GALNT9: variants seen among roughly 807,000 people sequenced by gnomAD.
GALNT9 encodes the protein GalNAc transferase 9.
Under a neutral mutation model 63.1 loss-of-function variants are expected in GALNT9, and 47 were observed. The observed-to-expected ratio is 0.75, with a 90% CI of 0.59 to 0.95. GALNT9 has a LOEUF of 0.95. GALNT9 is among the 40% of genes least tolerant of loss of function. The pLI is 0.00. For synonymous variants in GALNT9, 396 were observed against 365.7 expected (o/e 1.08, Z -0.94); for missense variants, 829 against 874.8 (o/e 0.95, Z 0.66).
At chr12:132,198,336 G>C (rs539175631) in intron 9 of GALNT9, among the ~76,000 whole-genome samples, 1 of 152,200 alleles carries the variant, frequency 6.6e-6, no homozygotes, top group Admixed American at 6.5e-5. Context: ...ACGCATTCCC[G>C]TGGGGTTAGA....
chr12:132,219,204 G>A (rs923100866), intron 6 of GALNT9, among the ~76,000 whole-genome samples: 1 of 152,174 alleles, frequency 6.6e-6, no homozygotes, highest in African/African-American at 2.4e-5. Flanking sequence ...AAACAGATGA[G>A]GATACAGTTT....
chr12:132,246,720 GCAGGGTTTTAC>G lies in GALNT9; in HGVS notation c.1077+1179_1077+1189del, dbSNP rs1293143107. On this transcript the variant is annotated intron_variant, in intron 6 of 10. Coordinates refer to ENST00000328957, the MANE Select transcript of GALNT9 (RefSeq NM_001122636.2). This position sits in a 1 kb window ranked among gnomAD's most constrained non-coding sequence, Gnocchi z 4.7. ...GTTAATTTTTGTATTTTTAGTAGAG[GCAGGGTTTTAC>G]CATACTGGTCAGGCTGGTCTCGAAC... is the stretch of plus-strand genomic sequence containing the variant. Among the ~76,000 whole-genome samples, 1 of 152,028 alleles carries G rather than the reference GCAGGGTTTTAC, an allele frequency of 6.6e-6. No individual in the cohort carries two copies. Among genetic ancestry groups the G allele is most frequent in the East Asian group, 1.9e-4 (1 of 5,178 alleles).
chr12:132,320,532 C>T (rs781807030), intron 1 of GALNT9, among the ~76,000 whole-genome samples: 6 of 152,246 alleles, frequency 3.9e-5, no homozygotes, highest in Non-Finnish European at 7.3e-5. Flanking sequence ...CAATAGAAAA[C>T]ATGTATCGTT....
At chr12:132,212,270 C>T (rs113017573) in intron 6 of GALNT9, among the ~76,000 whole-genome samples, 12 of 43,980 alleles carry the variant, frequency 2.7e-4, no homozygotes, top group South Asian at 1.2e-3. Flanking sequence ...GTCTGCAGCC[C>T]TCAGACCTCG....
At chr12:132,228,813 T>A (rs1259710525) in intron 6 of GALNT9, among the ~76,000 whole-genome samples, 1 of 152,236 alleles carries the variant, frequency 6.6e-6, no homozygotes, top group African/African-American at 2.4e-5. Context: ...GATTCCGTCC[T>A]GACCTTTATT....
intron 1 of GALNT9, among the ~76,000 whole-genome samples, chr12:132,305,415 G>A (rs28646883): frequency 0.23 from 8,624 of 36,894 alleles, 2,698 homozygotes; most frequent in East Asian, 0.91. Context: ...ACCCTCACCC[G>A]GGCACACCCT....
chr12:132,262,697 C>G, intron 2 of GALNT9, 72 bp from the exon 3 acceptor site: 3 of 1,435,594 alleles, frequency 2.1e-6, no homozygotes, highest in Non-Finnish European at 2.8e-6. Flanking sequence ...GCTCATCTGT[C>G]TGCACCTGCA....
chr12:132,258,945 C>T (rs1446971626), intron 4 of GALNT9, among the ~76,000 whole-genome samples: 3 of 152,172 alleles, frequency 2.0e-5, no homozygotes, highest in South Asian at 2.1e-4. Flanking sequence ...AGGGCAGATT[C>T]GGGTCGGCTC....
chr12:132,239,853 C>T (rs1444249609), intron 6 of GALNT9, among the ~76,000 whole-genome samples: 1 of 151,826 alleles, frequency 6.6e-6, no homozygotes, highest in Non-Finnish European at 1.5e-5. Context: ...GAGACAGACA[C>T]AAGGAGATAG....
chr12:132,247,025 G>C (rs1555238040), intron 6 of GALNT9, among the ~76,000 whole-genome samples: 1 of 152,244 alleles, frequency 6.6e-6, no homozygotes, highest in Non-Finnish European at 1.5e-5. Flanking sequence ...ACTCTTTTCT[G>C]TGAATAGAAG....
rs143798092 is a variant in GALNT9 at position 132,325,069 on chromosome 12, T to C, written c.238+3897A>G. On this transcript the variant is annotated intron_variant, in intron 1 of 10. Coordinates refer to ENST00000328957, the MANE Select transcript of GALNT9 (RefSeq NM_001122636.2). ...ATGAGATGCCACCCCACTTCAGACC[T>C]TGCTCTCCCAAGTTCTTCCGGCGTC... Among the ~76,000 whole-genome samples the C allele has an allele frequency of 2.1e-3, 326 of 152,020 alleles. 2 individuals carry two copies. Among genetic ancestry groups the C allele is most frequent in the African/African-American group, 7.4e-3 (308 of 41,528 alleles).
chr12:132,310,393 C>T lies in GALNT9; in HGVS notation c.238+18573G>A, dbSNP rs968634290. Among the ~76,000 whole-genome samples the T allele has an allele frequency of 2.0e-5, 3 of 152,196 alleles. No individual in the cohort carries two copies. Among genetic ancestry groups the T allele is most frequent in the South Asian group, 2.1e-4 (1 of 4,820 alleles). ...CGGGGCTGAGTGCCAGGAGTGAGAG[C>T]GCACCCACGTGAGGTCAGGCTGCCT... On this transcript the variant is annotated intron_variant, in intron 1 of 10. Coordinates refer to ENST00000328957, the MANE Select transcript of GALNT9 (RefSeq NM_001122636.2). The surrounding 1 kb of genome is among the most constrained non-coding windows in gnomAD (Gnocchi z 4.8).
intron 6 of GALNT9, among the ~76,000 whole-genome samples, chr12:132,214,117 C>T (rs996152269): frequency 1.3e-5 from 2 of 152,172 alleles, no homozygotes; most frequent in Non-Finnish European, 2.9e-5. Context: ...GGGCACTGAC[C>T]CCAAGGGCAC....
chr12:132,329,127 A>T lies in GALNT9; in HGVS notation c.77T>A (p.Val26Glu), dbSNP rs1555246760. The change falls in exon 1 of 11, where the codon GTG becomes GAG. Residue 26 changes from valine to glutamate, a missense_variant. By Grantham distance (121) the Val-to-Glu change is moderately radical. Transcript: ENST00000328957. ...LVFVGIVLFS[V>E]YCRLQGRSQE... ...GGAGCGGCCCTGCAGGCGGCAGTAC[A>T]CGGAGAACAGGACGATGCCCACGAA... 26 of 1,549,530 alleles carry T rather than the reference A, an allele frequency of 1.7e-5. No homozygotes were observed. In the East Asian group the frequency reaches 6.1e-4, roughly 36 times the overall value.
rs562624213 is a variant in GALNT9 at position 132,310,762 on chromosome 12, G to A, written c.238+18204C>T. 1.6e-4 allele frequency among the ~76,000 whole-genome samples: 24 copies of A among 152,156 alleles called. No individual in the cohort carries two copies. Among genetic ancestry groups the A allele is most frequent in the East Asian group, 1.9e-4 (1 of 5,186 alleles). The stretch of plus-strand genomic sequence containing the variant: ...TCGGGGAGGAAGGGGCAGAGGGAGC[G>A]CGCGCTGGGAAGGTGGGAGCCACGC... On this transcript the variant is annotated intron_variant, in intron 1 of 10. Transcript: ENST00000328957. This position sits in a 1 kb window ranked among gnomAD's most constrained non-coding sequence, Gnocchi z 4.8.
intron 9 of GALNT9, among the ~76,000 whole-genome samples, chr12:132,198,433 TGGGGCTG>T (rs1483062604): frequency 2.2e-5 from 1 of 45,324 alleles, no homozygotes; most frequent in African/African-American, 1.0e-4. Context: ...TCTGCGGGGC[TGGGGCTG>T]GGGCTGGGCC....
chr12:132,304,351 C>G (rs555791780), intron 1 of GALNT9, among the ~76,000 whole-genome samples: 1 of 120,244 alleles, frequency 8.3e-6, no homozygotes, highest in African/African-American at 3.5e-5. Context: ...CTGGGCACAC[C>G]CTCACCCGGG....
At chr12:132,200,038 G>A (rs1464818698) in intron 8 of GALNT9, among the ~76,000 whole-genome samples, 1 of 152,198 alleles carries the variant, frequency 6.6e-6, no homozygotes, top group Non-Finnish European at 1.5e-5. Flanking sequence ...TTGGCTAATT[G>A]AGGATGGAGT....
chr12:132,304,707 A>G (rs374053918), intron 1 of GALNT9, among the ~76,000 whole-genome samples: 4 of 35,856 alleles, frequency 1.1e-4, no homozygotes, highest in Non-Finnish European at 1.5e-4. Context: ...ACACACCCTC[A>G]CCTGGGCACA....
Sources: gnomAD v4.1 joint callset for allele counts (sites outside exome capture counted in the v4.1 genomes callset) on GRCh38, gnomAD v4.1.1 for gene constraint, Gnocchi (gnomAD v3.1) non-coding constraint, MANE v1.5 for transcripts, NCBI Gene and HGNC (gene_info 2026-07-23, HGNC 2026-07-21) for gene names.